Variants in NUP37 observed in about 807,000 individuals in gnomAD.
NUP37 encodes nucleoporin Nup37.
A neutral mutation model predicts 45.4 loss-of-function variants in NUP37; 33 were observed. The ratio of observed to expected loss-of-function variants is 0.73; its 90% CI spans 0.55 to 0.97. The LOEUF (loss-of-function observed/expected upper bound fraction) is 0.97. Among genes scored for constraint, NUP37 ranks in the 50% least tolerant of loss-of-function variants. The pLI, the probability that NUP37 is intolerant of heterozygous loss-of-function variation, is 0.00. For synonymous variants in NUP37, 127 were observed against 130.7 expected (o/e 0.97, Z 0.19); for missense variants, 365 against 389.7 (o/e 0.94, Z 0.53).
At chr12:102,101,903 T>G (rs986908172) in intron 3 of NUP37, among the ~76,000 whole-genome samples, 1 of 152,086 alleles carries the variant, frequency 6.6e-6, no homozygotes, top group African/African-American at 2.4e-5. Flanking sequence ...TTTTGTATTT[T>G]TAGTAGAGAC....
In NUP37 at chr12:102,097,730, C is replaced by A. The variant is rs58265217; in HGVS notation, c.449+1376G>T. Among the ~76,000 whole-genome samples the A allele has an allele frequency of 3.2e-3, 481 of 152,242 alleles. 1 individual carries two copies. The highest frequency in any genetic ancestry group is 0.011 in the African/African-American group (448 of 41,552). ...TTAGGAAAATCTATGTTTTAAAGAG[C>A]TGAAATGCCATTATTTATTTCCAGT... On this transcript the variant is annotated intron_variant, in intron 5 of 9. Coordinates refer to ENST00000552283, the MANE Select transcript of NUP37 (RefSeq NM_024057.4).
At chr12:102,108,719 T>A (rs953127524) in intron 3 of NUP37, among the ~76,000 whole-genome samples, 2 of 152,212 alleles carry the variant, frequency 1.3e-5, no homozygotes, top group African/African-American at 4.8e-5. Context: ...ATTTGTCCAA[T>A]TATTATTTTG....
chr12:102,090,261 A>C (rs1879612299), intron 5 of NUP37, among the ~76,000 whole-genome samples: 1 of 151,402 alleles, frequency 6.6e-6, no homozygotes, highest in Non-Finnish European at 1.5e-5. Flanking sequence ...TTTTATTTGC[A>C]GTATCTATGT....
chr12:102,101,573 GAAGT>G (rs986622036), intron 3 of NUP37, among the ~76,000 whole-genome samples: 51 of 152,144 alleles, frequency 3.4e-4, no homozygotes, highest in Admixed American at 1.8e-3. Flanking sequence ...TAAATCAGAT[GAAGT>G]AAGATACTAT....
chr12:102,101,070 A>C lies in NUP37; in HGVS notation c.316T>G (p.Leu106Val), dbSNP rs769728712. 1.9e-6 allele frequency: 3 copies of C among 1,565,512 alleles called. No individual in the cohort carries two copies. Among genetic ancestry groups the C allele is most frequent in the South Asian group, 2.4e-5 (2 of 84,454 alleles). Residue 106 changes from leucine (L) to valine (V), a missense_variant, in exon 4 of 10, where the codon TTA becomes GTA. Leu to Val is a conservative substitution (Grantham distance 32). Transcript: ENST00000552283. ...TTATCCTGAAGATCTGAAGTAAATAATCTAATTTTCATATCAGCAGCTGAA... is the reference window on the plus strand; with the variant it reads ...TTATCCTGAAGATCTGAAGTAAATACTCTAATTTTCATATCAGCAGCTGAA... ...CTSAADMKIR[L>V]FTSDLQDKNE...
intron 3 of NUP37, among the ~76,000 whole-genome samples, chr12:102,106,137 T>C (rs995396643): frequency 6.6e-6 from 1 of 152,120 alleles, no homozygotes; most frequent in Non-Finnish European, 1.5e-5. Context: ...CATCAGAATC[T>C]AGAAAACAGG....
Position 102,118,234 on chromosome 12 carries a change from T to C in NUP37, c.156+129A>G, listed in dbSNP as rs997252815. 4.4e-6 allele frequency: 4 copies of C among 915,868 alleles called. No individual in the cohort carries two copies. The East Asian group carries it at 1.0e-4, about 23-fold the overall frequency. The allele number at this position is 915,868 out of a possible 1,614,324, so 56.7% of individuals were successfully genotyped here. A position where few individuals can be genotyped will look rare whatever the true frequency, so the allele number is the denominator to read the frequency against. On this transcript the variant is annotated intron_variant, in intron 2 of 9. Coordinates refer to ENST00000552283, the MANE Select transcript of NUP37 (RefSeq NM_024057.4). ...ACATATAACTGGGAACATCTTTCTC[T>C]ATGGATCTTATCTTTTTTTTTTTTA...
At chr12:102,091,413 A>C (rs944753258) in intron 5 of NUP37, among the ~76,000 whole-genome samples, 1 of 149,550 alleles carries the variant, frequency 6.7e-6, no homozygotes, top group Non-Finnish European at 1.5e-5. Flanking sequence ...AAAAAAAAAA[A>C]AAAAAAAAAA....
Position 102,105,861 on chromosome 12 carries a change from C to CAA in NUP37, c.282-4759_282-4758dup, listed in dbSNP as rs759252411. 1.9e-3 allele frequency among the ~76,000 whole-genome samples: 139 copies of CAA among 73,606 alleles called. 2 individuals carry two copies. The highest frequency in any genetic ancestry group is 0.017 in the East Asian group (54 of 3,102). 48.3% of individuals were successfully genotyped at this position (73,606 alleles called of 152,430 possible). A position where few individuals can be genotyped will look rare whatever the true frequency, so the allele number is the denominator to read the frequency against. The stretch of plus-strand genomic sequence containing the variant: ...TGGGTGACAGAGCGGGACTCCCTCT[C>CAA]AAAAAAAAAAAAAAAAAAAAGTGTC... On this transcript the variant is annotated intron_variant, in intron 3 of 9. Transcript: ENST00000552283.
chr12:102,084,027 TTTAAAA>T (rs1468823238), intron 6 of NUP37, among the ~76,000 whole-genome samples: 1 of 152,162 alleles, frequency 6.6e-6, no homozygotes, highest in Non-Finnish European at 1.5e-5. Flanking sequence ...ATGAAGATAG[TTTAAAA>T]TTAAAGGGGA....
chr12:102,086,625 T>A (rs150842427), intron 5 of NUP37, among the ~76,000 whole-genome samples: 1 of 152,182 alleles, frequency 6.6e-6, no homozygotes. Context: ...GACTCAGAAA[T>A]CTCAGTCATG....
intron 6 of NUP37, among the ~76,000 whole-genome samples, chr12:102,084,814 G>A (rs966346006): frequency 5.9e-5 from 9 of 152,100 alleles, no homozygotes; most frequent in African/African-American, 1.9e-4. Flanking sequence ...AAAGATGATT[G>A]TAGTAACTTC....
chr12:102,102,016 C>T (rs1416511217), intron 3 of NUP37, among the ~76,000 whole-genome samples: 5 of 152,174 alleles, frequency 3.3e-5, no homozygotes, highest in African/African-American at 1.2e-4. Context: ...TGAGCCACTG[C>T]GCCTGGCCAA....
At chr12:102,113,949 A>G (rs187550324) in intron 2 of NUP37, among the ~76,000 whole-genome samples, 8 of 152,224 alleles carry the variant, frequency 5.3e-5, no homozygotes, top group Admixed American at 4.6e-4. Context: ...TAATTCAGAT[A>G]CCCTTTGAAA....
intron 7 of NUP37, 190 bp downstream of exon 7, chr12:102,077,132 G>C: frequency 3.1e-6 from 2 of 644,054 alleles, no homozygotes; most frequent in Non-Finnish European, 5.4e-6. Context: ...TCCTTTCTGG[G>C]TTACTCCCAG....
intron 6 of NUP37, among the ~76,000 whole-genome samples, chr12:102,082,238 G>A (rs749139501): frequency 4.0e-5 from 6 of 151,722 alleles, no homozygotes; most frequent in African/African-American, 7.3e-5. Flanking sequence ...CTGATCTTAC[G>A]GCTTTTTTTA....
At chr12:102,100,930 A>AC (rs1398107993) in intron 4 of NUP37, 102 bp downstream of exon 4, 15 of 651,916 alleles carry the variant, frequency 2.3e-5, no homozygotes, top group Non-Finnish European at 3.7e-5. Flanking sequence ...TTTAATGATG[A>AC]CCATAAAAAG....
At chr12:102,105,058 A>C (rs573642839) in intron 3 of NUP37, among the ~76,000 whole-genome samples, 1 of 152,340 alleles carries the variant, frequency 6.6e-6, no homozygotes, top group Non-Finnish European at 1.5e-5. Context: ...AAATCTTTCA[A>C]TCCATGAACA....
chr12:102,074,542 A>G (rs1180699707), intron 9 of NUP37, 75 bp from the exon 10 acceptor site: 1 of 828,096 alleles, frequency 1.2e-6, no homozygotes, highest in Non-Finnish European at 1.9e-6. Flanking sequence ...TTTCAAAAAT[A>G]TGAAATGCAT....
Sources: gnomAD v4.1 joint callset for allele counts (sites outside exome capture counted in the v4.1 genomes callset) on GRCh38, gnomAD v4.1.1 for gene constraint, MANE v1.5 for transcripts, NCBI Gene and HGNC (gene_info 2026-07-23, HGNC 2026-07-21) for gene names.